USP19: variants seen among roughly 807,000 people sequenced by gnomAD.
The protein encoded by USP19 is ubiquitin carboxyl-terminal hydrolase 19.
In USP19, 40 loss-of-function variants were observed where a neutral mutation model predicts 144.8. The observed-to-expected ratio is 0.28, with a 90% CI of 0.21 to 0.36. The LOEUF is 0.36. Ranked by LOEUF, USP19 falls within the 10% of genes least tolerant of loss-of-function variation. USP19 has a pLI of 1.00. For synonymous variants in USP19, 701 were observed against 709.3 expected, an observed-to-expected ratio of 0.99 and a Z score of 0.19; for missense variants, 1,518 against 1,822.5, an observed-to-expected ratio of 0.83 and a Z score of 3.04.
chr3:49,118,173 G>T, intron 2 of USP19, 53 bp from the exon 3 acceptor site: 1 of 717,184 alleles, frequency 1.4e-6, no homozygotes, highest in Non-Finnish European at 2.3e-6. Flanking sequence ...GCTGAGGTAG[G>T]AGGACTGCTT....
At chr3:49,113,853 C>A in intron 17 of USP19, 139 bp downstream of exon 17, 1 of 917,998 alleles carries the variant, frequency 1.1e-6, no homozygotes, top group South Asian at 1.6e-5. Flanking sequence ...CTCGGCCTCA[C>A]AAAGTGCTGG....
rs2107426298 is a variant in USP19 at position 49,114,365 on chromosome 3, GC to G, written c.2293-82del. 1 of 1,365,510 alleles carries G rather than the reference GC, an allele frequency of 7.3e-7. No homozygotes were observed. 84.6% of individuals were successfully genotyped at this position (1,365,510 alleles called of 1,614,324 possible). On this transcript the variant is annotated intron_variant, in intron 15 of 26. Coordinates refer to ENST00000417901, the MANE Select transcript of USP19 (RefSeq NM_001199161.2). The surrounding 1 kb of genome is among the most constrained non-coding windows in gnomAD (Gnocchi z 4.5). ...TCATGCTCAGAGAGCCCATTCCGGGGCTTCTGATGGCTCTCAGGGCCCCCAC... is the reference window on the plus strand; with the variant it reads ...TCATGCTCAGAGAGCCCATTCCGGGGTTCTGATGGCTCTCAGGGCCCCCAC...
rs902662429 is a variant in USP19 at position 49,114,221 on chromosome 3, G to T, written c.2356C>A (p.Leu786Ile). 2 of 1,614,106 alleles carry T rather than the reference G, an allele frequency of 1.2e-6. No homozygotes were observed. The highest frequency in any genetic ancestry group is 2.7e-5 in the African/African-American group (2 of 74,934). The change falls in exon 16 of 27, where the codon CTC becomes ATC. Residue 786 changes from leucine (L) to isoleucine (I), a missense_variant. Leu to Ile is a conservative substitution (Grantham distance 5). Transcript: ENST00000417901. The surrounding 1 kb of genome is among the most constrained non-coding windows in gnomAD (Gnocchi z 4.5). ...PVPLPQKQKV[L>I]PVFYFAREPH... is the part of the protein sequence containing the mutation. ...TCTCGGGCAAAATAAAAGACAGGGA[G>T]AACCTTTTGCTTTTGTGGCAAGGGC...
Position 49,108,505 on chromosome 3 carries a change from G to T in USP19, c.4062C>A (p.Pro1354=). 8.0e-7 allele frequency: 1 copy of T among 1,250,542 alleles called. No individual in the cohort carries two copies. The highest frequency in any genetic ancestry group is 1.0e-6 in the Non-Finnish European group (1 of 970,494). 77.5% of individuals were successfully genotyped at this position (1,250,542 alleles called of 1,614,324 possible). A position where few individuals can be genotyped will look rare whatever the true frequency, so the allele number is the denominator to read the frequency against. ...ASQGLGPGQA[P]EVAPTRTAPE... ...GGGCTGTCCGCGTGGGGGCCACCTC[G>T]GGGGCCTGGCCAGGGCCTAGTCCCT... Residue 1354 remains proline (P), a synonymous_variant, in exon 27 of 27, where the codon CCC becomes CCA. Transcript: ENST00000417901. The surrounding 1 kb of genome is among the most constrained non-coding windows in gnomAD (Gnocchi z 4.8).
Position 49,110,153 on chromosome 3 carries a change from A to G in USP19, c.4038+31T>C, listed in dbSNP as rs377101757. ...GGCCCCAGTCTGTGAACTGTCCCCCAGTATTCTGTAAAGCCTCCCACATGC... is the reference window on the plus strand; with the variant it reads ...GGCCCCAGTCTGTGAACTGTCCCCCGGTATTCTGTAAAGCCTCCCACATGC... On this transcript the variant is annotated intron_variant, in intron 26 of 26. Transcript: ENST00000417901. The surrounding 1 kb of genome is among the most constrained non-coding windows in gnomAD (Gnocchi z 6.1). 60 of 1,499,212 alleles carry G rather than the reference A, an allele frequency of 4.0e-5. No individual in the cohort carries two copies. In the African/African-American group the frequency reaches 5.6e-4, roughly 14 times the overall value. 92.9% of individuals were successfully genotyped at this position (1,499,212 alleles called of 1,614,324 possible).
Position 49,108,248 on chromosome 3 carries a change from C to A in USP19, c.*164G>T. ...AAAGCCCACTGGTCAGGGGTCCAAG[C>A]TGACAAGAAGTCCCAACCTGAGAGG... is the stretch of plus-strand genomic sequence containing the variant. On this transcript the variant is annotated 3_prime_UTR_variant, in exon 27 of 27. Transcript: ENST00000417901. The surrounding 1 kb of genome is among the most constrained non-coding windows in gnomAD (Gnocchi z 4.8). 3.8e-6 allele frequency: 1 copy of A among 260,164 alleles called. No homozygotes were observed. 16.1% of individuals were successfully genotyped at this position (260,164 alleles called of 1,614,324 possible).
rs189768228 is a variant in USP19, at chr3:49,119,392, C to G, written c.-136-111G>C. ...ATGCTACAGAGCTGTATCTTCTCAT[C>G]TCTTAAGTACCCCTGGACACTCTCA... On this transcript the variant is annotated intron_variant, in intron 1 of 26. Coordinates refer to ENST00000417901, the MANE Select transcript of USP19 (RefSeq NM_001199161.2). 1.2e-3 allele frequency: 552 copies of G among 455,634 alleles called. 1 individual carries two copies. The East Asian group carries it at 0.017, about 14-fold the overall frequency. The allele number at this position is 455,634 out of a possible 1,614,324, so 28.2% of individuals were successfully genotyped here.
At chr3:49,118,965 T>C (rs759560246) in intron 2 of USP19, 57 bp downstream of exon 2, 13 of 1,611,154 alleles carry the variant, frequency 8.1e-6, no homozygotes, top group Non-Finnish European at 1.1e-5. Context: ...CCAATCTGTA[T>C]ACCAATAAGA....
At position 49,116,912 on chromosome 3, in the gene USP19, G is replaced by A. The variant is rs753810433; in HGVS notation, c.941C>T (p.Pro314Leu). 1.6e-5 allele frequency: 26 copies of A among 1,613,892 alleles called. No homozygotes were observed. The highest frequency in any genetic ancestry group is 2.2e-5 in the South Asian group (2 of 91,084). ...VEADEQLCIP[P>L]LNSQTCLLGS... ...CAGGAGGCAGGTTTGGGAGTTCAGC[G>A]GTGGTATGCAAAGCTGTTCATCAGC... Residue 314 changes from proline to leucine, a missense_variant, in exon 7 of 27, where the codon CCG becomes CTG. Physicochemically the swap from Pro to Leu is moderately conservative, Grantham distance 98. Around this residue, in one of 5 missense-constraint regions of USP19, gnomAD observed 707 missense variants for 728.9 expected, o/e 0.97. Coordinates refer to ENST00000417901, the MANE Select transcript of USP19 (RefSeq NM_001199161.2). This position sits in a 1 kb window ranked among gnomAD's most constrained non-coding sequence, Gnocchi z 5.0.
chr3:49,112,354 G>A lies in USP19; in HGVS notation c.2695C>T (p.Arg899Trp), dbSNP rs763156790. The change falls in exon 19 of 27, where the codon CGG becomes TGG. Residue 899 changes from arginine (R) to tryptophan (W), a missense_variant. Physicochemically the swap from Arg to Trp is moderately radical, Grantham distance 101. Transcript: ENST00000417901. The surrounding 1 kb of genome is among the most constrained non-coding windows in gnomAD (Gnocchi z 4.9). ...TTTTCATCCTCCGACTGTTGCTTCC[G>A]CTGGCAGGCTGCACACTTGGAGATG... is the stretch of plus-strand genomic sequence containing the variant. ...VPISKCAACQRKQQSEDEKLK... is the reference protein window; with the variant it reads ...VPISKCAACQWKQQSEDEKLK... 3.1e-6 allele frequency: 5 copies of A among 1,613,880 alleles called. No homozygotes were observed. Among genetic ancestry groups the A allele is most frequent in the South Asian group, 1.1e-5 (1 of 91,074 alleles).
intron 2 of USP19, 34 bp downstream of exon 2, chr3:49,118,988 A>G (rs534918154): frequency 3.7e-6 from 6 of 1,613,324 alleles, no homozygotes; most frequent in African/African-American, 2.7e-5. Flanking sequence ...GGAGGCAGAG[A>G]AGGCCACAAT....
Position 49,108,775 on chromosome 3 carries a change from C to G in USP19, c.4039-247G>C. ...GGGTCAGAGCAGCAGGATGAATGGA[C>G]AGACAGCCAGATGGATACACACCCT... On this transcript the variant is annotated intron_variant, in intron 26 of 26. Coordinates refer to ENST00000417901, the MANE Select transcript of USP19 (RefSeq NM_001199161.2). The surrounding 1 kb of genome is among the most constrained non-coding windows in gnomAD (Gnocchi z 4.8). 1 of 1,408,848 alleles carries G rather than the reference C, an allele frequency of 7.1e-7. No individual in the cohort carries two copies. The highest frequency in any genetic ancestry group is 2.6e-5 in the East Asian group (1 of 37,770). 87.3% of individuals were successfully genotyped at this position (1,408,848 alleles called of 1,614,324 possible). A position where few individuals can be genotyped will look rare whatever the true frequency, so the allele number is the denominator to read the frequency against.
rs1176753663 is a variant in USP19 at position 49,112,296 on chromosome 3, C to T, written c.2753G>A (p.Gly918Asp). 1 of 1,610,196 alleles carries T rather than the reference C, an allele frequency of 6.2e-7. No individual in the cohort carries two copies. The highest frequency in any genetic ancestry group is 8.5e-7 in the Non-Finnish European group (1 of 1,178,382). Residue 918 changes from glycine to aspartate, a missense_variant, in exon 19 of 27, where the codon GGC becomes GAC. Coordinates refer to ENST00000417901, the MANE Select transcript of USP19 (RefSeq NM_001199161.2). The surrounding 1 kb of genome is among the most constrained non-coding windows in gnomAD (Gnocchi z 4.9). ...LKRCTRCYRV[G>D]YCNQLCQKTH... is the part of the protein sequence containing the mutation. ...TGGGGGTCCTCACTGGTTGCAGTAG[C>T]CCACACGGTAGCACCGGGTACAGCG...
rs746419464 is a variant in USP19 at position 49,109,125 on chromosome 3, G to T, written c.4039-597C>A. The T allele has an allele frequency of 7.8e-6, 12 of 1,547,298 alleles. No individual in the cohort carries two copies. In the South Asian group the frequency reaches 1.3e-4, roughly 17 times the overall value. On this transcript the variant is annotated intron_variant, in intron 26 of 26. Coordinates refer to ENST00000417901, the MANE Select transcript of USP19 (RefSeq NM_001199161.2). ...TCTTGGGGCCCCCAGGGACCCAGGG[G>T]CCCAGACCCCTCAGGCACCGGCTCC...
Position 49,115,381 on chromosome 3 carries a change from A to G in USP19, c.1889-20T>C. 1.2e-6 allele frequency: 2 copies of G among 1,614,202 alleles called. No individual in the cohort carries two copies. Among genetic ancestry groups the G allele is most frequent in the Non-Finnish European group, 1.7e-6 (2 of 1,180,024 alleles). On this transcript the variant is annotated intron_variant, in intron 12 of 26. Transcript: ENST00000417901. The surrounding 1 kb of genome is among the most constrained non-coding windows in gnomAD (Gnocchi z 6.6). ...AGCGGTCTAGGAATAGTAGCCGAGC[A>G]AAGGTGTGAGGAACAAAGGCACTCT...
Position 49,116,210 on chromosome 3 carries a change from G to GA in USP19, c.1356-49dup. 6.2e-7 allele frequency: 1 copy of GA among 1,613,758 alleles called. No homozygotes were observed. ...GGGACTTAGGAGGAATGAGCATCAG[G>GA]ATAGATGAGCCAGGGAGATGGAGCC... On this transcript the variant is annotated intron_variant, in intron 9 of 26. Transcript: ENST00000417901. The surrounding 1 kb of genome is among the most constrained non-coding windows in gnomAD (Gnocchi z 5.0).
At position 49,110,371 on chromosome 3, in the gene USP19, G is replaced by A. The variant is rs753543067; in HGVS notation, c.3860-9C>T. On this transcript the variant is annotated splice_polypyrimidine_tract_variant and intron_variant, in intron 25 of 26. Transcript: ENST00000417901. This position sits in a 1 kb window ranked among gnomAD's most constrained non-coding sequence, Gnocchi z 6.1. ...ATCAAACAAGCGCCAGCCTACAGCA[G>A]GGTGGGAAGAGTGTGAACAAAGTCT... is the stretch of plus-strand genomic sequence containing the variant. The A allele has an allele frequency of 1.4e-5, 22 of 1,595,782 alleles. No homozygotes were observed. The South Asian group carries it at 1.8e-4, about 13-fold the overall frequency.
rs754551164 is a variant in USP19 at position 49,118,100 on chromosome 3, C to G, written c.145G>C (p.Ala49Pro). The G allele has an allele frequency of 1.3e-5, 18 of 1,392,066 alleles. No homozygotes were observed. The highest frequency in any genetic ancestry group is 1.8e-5 in the Non-Finnish European group (18 of 1,008,034). The allele number at this position is 1,392,066 out of a possible 1,614,324, so 86.2% of individuals were successfully genotyped here. A position where few individuals can be genotyped will look rare whatever the true frequency, so the allele number is the denominator to read the frequency against. Residue 49 changes from alanine to proline, a missense_variant, in exon 3 of 27, where the codon GCC (alanine) becomes CCC (proline). By Grantham distance (27) the Ala-to-Pro change is conservative. Transcript: ENST00000417901. ...PRKETGSRYVAQAGLEPLASG... is the reference protein window; with the variant it reads ...PRKETGSRYVPQAGLEPLASG... ...GCCAGAGGTTCAAGACCAGCCTGGG[C>G]AACATATCGAGACCCTGTCTCTAAA...
Position 49,111,604 on chromosome 3 carries a change from C to T in USP19, c.3113G>A (p.Arg1038Gln), listed in dbSNP as rs202122585. Residue 1038 changes from arginine to glutamine, a missense_variant, in exon 21 of 27, where the codon CGG (arginine) becomes CAG (glutamine). Coordinates refer to ENST00000417901, the MANE Select transcript of USP19 (RefSeq NM_001199161.2). This position sits in a 1 kb window ranked among gnomAD's most constrained non-coding sequence, Gnocchi z 5.9. Reference sequence around the variant, plus strand: ...TCCACTGGTGCTGGGCACAGGACCCCGGTCAGGGGCTGCCCACACCCGGGG... The same window carrying T: ...TCCACTGGTGCTGGGCACAGGACCCTGGTCAGGGGCTGCCCACACCCGGGG... Reference protein sequence around the residue: ...GLPRVWAAPDRGPVPSTSGIS... With the variant: ...GLPRVWAAPDQGPVPSTSGIS... 183 of 1,611,986 alleles carry T rather than the reference C, an allele frequency of 1.1e-4. No individual in the cohort carries two copies. Among genetic ancestry groups the T allele is most frequent in the Non-Finnish European group, 1.4e-4 (165 of 1,179,456 alleles).
Sources: allele counts gnomAD v4.1 joint callset, GRCh38; gene constraint gnomAD v4.1.1; regional missense constraint gnomAD v4.1.1; non-coding constraint Gnocchi (gnomAD v3.1); transcripts MANE v1.5; gene names NCBI Gene and HGNC (gene_info 2026-07-23, HGNC 2026-07-21).